EYA1: variants seen among roughly 807,000 people sequenced by gnomAD.
EYA1 encodes the protein EYA transcriptional coactivator and phosphatase 1.
Under a neutral mutation model 82.0 loss-of-function variants are expected in EYA1, and 16 were observed. The observed-to-expected ratio is 0.20, with a 90% CI of 0.13 to 0.30. The LOEUF (loss-of-function observed/expected upper bound fraction) is 0.30. Ranked by LOEUF, EYA1 falls within the 10% of genes least tolerant of loss-of-function variation. EYA1 has a pLI of 1.00. For missense variants in EYA1, 633 were observed against 730.7 expected (o/e 0.87, Z 1.54); for synonymous variants, 261 against 264.4 (o/e 0.99, Z 0.12).
intron 2 of EYA1, among the ~76,000 whole-genome samples, chr8:71,393,400 C>A (rs1829392390): frequency 6.6e-6 from 1 of 152,062 alleles, no homozygotes; most frequent in African/African-American, 2.4e-5. Context: ...CACCCGTTAA[C>A]TCCTCATTTA....
chr8:71,267,047 T>G (rs945535592), intron 11 of EYA1, among the ~76,000 whole-genome samples: 15 of 152,194 alleles, frequency 9.9e-5, no homozygotes, highest in Non-Finnish European at 2.2e-4. Context: ...AACCTCCAAT[T>G]TGGACCCCCA....
chr8:71,272,038 G>A (rs1036099160), intron 9 of EYA1, 141 bp from the exon 10 acceptor site: 8 of 881,156 alleles, frequency 9.1e-6, no homozygotes, highest in African/African-American at 1.6e-5. Context: ...TTTTACTTGC[G>A]CTGGTAAATA....
chr8:71,285,551 T>A (rs1818276245), intron 9 of EYA1, among the ~76,000 whole-genome samples: 1 of 152,206 alleles, frequency 6.6e-6, no homozygotes. Context: ...CTGAAACGAA[T>A]AACAGGCCTG....
At chr8:71,422,046 C>T (rs777407213) in intron 2 of EYA1, among the ~76,000 whole-genome samples, 1 of 152,154 alleles carries the variant, frequency 6.6e-6, no homozygotes, top group Non-Finnish European at 1.5e-5. Context: ...CTAATATCTC[C>T]TTTCAGGTAT....
rs1196497532 is a variant in EYA1, at chr8:71,354,788, T to C, written c.118A>G (p.Thr40Ala). The C allele has an allele frequency of 1.2e-6, 2 of 1,613,200 alleles. No homozygotes were observed. The highest frequency in any genetic ancestry group is 1.7e-6 in the Non-Finnish European group (2 of 1,179,446). Residue 40 changes from threonine (T) to alanine (A), a missense_variant, in exon 3 of 18, where the codon ACC (threonine) becomes GCC (alanine). Thr to Ala is a moderately conservative substitution (Grantham distance 58). Transcript: ENST00000340726. ...INSNSMTPNG[T>A]EVKTEPMSSS... is the part of the protein sequence containing the mutation. ...TGAGAAGGCAGACACTCACCTTCGG[T>C]GCCATTGGGAGTCATGGAATTACTA... is the stretch of plus-strand genomic sequence containing the variant.
intron 12 of EYA1, chr8:71,225,225 C>T (rs770833056): frequency 2.2e-6 from 1 of 456,230 alleles, no homozygotes; most frequent in South Asian, 1.5e-5. Context: ...TCAAATAGAC[C>T]TCATGAAGAG....
At chr8:71,199,846 T>C in intron 17 of EYA1, 1 of 198,544 alleles carries the variant, frequency 5.0e-6, no homozygotes, top group East Asian at 1.4e-4. Context: ...TAACTTTTAA[T>C]TGTGGCTCAC....
intron 2 of EYA1, among the ~76,000 whole-genome samples, chr8:71,457,815 A>T (rs551064560): frequency 6.6e-6 from 1 of 152,182 alleles, no homozygotes; most frequent in Non-Finnish European, 1.5e-5. Flanking sequence ...GCACACCAAC[A>T]TGGCACATGT....
At chr8:71,295,809 G>A (rs1360699269) in intron 9 of EYA1, among the ~76,000 whole-genome samples, 1 of 152,140 alleles carries the variant, frequency 6.6e-6, no homozygotes, top group Non-Finnish European at 1.5e-5. Flanking sequence ...GAAACTCAGA[G>A]CAACCAAGAT....
chr8:71,534,746 C>T (rs183898573), intron 2 of EYA1, among the ~76,000 whole-genome samples: 1 of 152,176 alleles, frequency 6.6e-6, no homozygotes, highest in Non-Finnish European at 1.5e-5. Context: ...GCACCAGGGC[C>T]TGTTGCAGGG....
chr8:71,456,676 AT>A (rs770961143), intron 2 of EYA1, among the ~76,000 whole-genome samples: 14 of 152,244 alleles, frequency 9.2e-5, no homozygotes, highest in Non-Finnish European at 1.9e-4. Flanking sequence ...TCCCTATTTA[AT>A]AAATGGTGCT....
intron 2 of EYA1, among the ~76,000 whole-genome samples, chr8:71,436,444 G>T (rs1806018697): frequency 6.6e-6 from 1 of 152,072 alleles, no homozygotes; most frequent in Non-Finnish European, 1.5e-5. Context: ...GAAATAATTT[G>T]TTTAGCTGTA....
intron 9 of EYA1, among the ~76,000 whole-genome samples, chr8:71,298,091 T>G (rs1368829908): frequency 5.3e-5 from 8 of 152,210 alleles, no homozygotes; most frequent in African/African-American, 1.9e-4. Context: ...AATATAATTC[T>G]ATAGTCAAAA....
At chr8:71,507,380 T>TA (rs1289125086) in intron 2 of EYA1, among the ~76,000 whole-genome samples, 1 of 152,188 alleles carries the variant, frequency 6.6e-6, no homozygotes. Context: ...TATAATTTTT[T>TA]ACCTCTCATA....
intron 12 of EYA1, among the ~76,000 whole-genome samples, chr8:71,241,977 G>T (rs1812527116): frequency 6.6e-6 from 1 of 152,160 alleles, no homozygotes; most frequent in Admixed American, 6.5e-5. Flanking sequence ...GGGTGGCCGA[G>T]GCAGGTGGCT....
chr8:71,262,223 T>C (rs1198811638), intron 11 of EYA1, among the ~76,000 whole-genome samples: 1 of 152,228 alleles, frequency 6.6e-6, no homozygotes. Flanking sequence ...ACCATAAAAG[T>C]TGAACAAAGA....
intron 2 of EYA1, among the ~76,000 whole-genome samples, chr8:71,369,391 A>G (rs1384102613): frequency 6.6e-6 from 1 of 152,178 alleles, no homozygotes; most frequent in Non-Finnish European, 1.5e-5. Flanking sequence ...ATTAAAACAA[A>G]TGCACCAGAG....
intron 12 of EYA1, among the ~76,000 whole-genome samples, chr8:71,235,254 T>A (rs189406745): frequency 6.6e-6 from 1 of 151,048 alleles, no homozygotes; most frequent in Non-Finnish European, 1.5e-5. Context: ...CTTAAAACTC[T>A]CCAATGGCTT....
chr8:71,269,889 T>C, intron 10 of EYA1, 66 bp from the exon 11 acceptor site: 1 of 1,242,812 alleles, frequency 8.0e-7, no homozygotes, highest in Non-Finnish European at 1.2e-6. Context: ...TCAGTTAACT[T>C]CAACACGAAA....
Sources: allele counts gnomAD v4.1 joint callset (sites outside exome capture counted in the v4.1 genomes callset), GRCh38; gene constraint gnomAD v4.1.1; transcripts MANE v1.5; gene names NCBI Gene and HGNC (gene_info 2026-07-23, HGNC 2026-07-21).